LOXHD1: variants seen among roughly 807,000 people sequenced by gnomAD.
LOXHD1 encodes the protein lipoxygenase homology PLAT domains 1, also known as lipoxygenase homology domain-containing protein 1.
LOXHD1 carries 205 observed loss-of-function variants against 248.2 expected under a neutral mutation model. The ratio of observed to expected loss-of-function variants is 0.83; its 90% CI spans 0.74 to 0.93. The LOEUF (loss-of-function observed/expected upper bound fraction) is 0.93, where lower values mean the gene tolerates loss of function less well. Among genes scored for constraint, LOXHD1 ranks in the 40% least tolerant of loss-of-function variants. The pLI is 0.00. For missense variants in LOXHD1, 2,930 were observed against 2,971.6 expected (o/e 0.99, Z 0.33); for synonymous variants, 1,113 against 1,162.8 (o/e 0.96, Z 0.87).
Position 46,550,713 on chromosome 18 carries a change from A to C in LOXHD1, c.3351-3655T>G, listed in dbSNP as rs2037063722. ...GGTCCCTGAGTGAACATGCTGAGCA[A>C]AGTCCCCTGATACCCTACATCAGAC... On this transcript the variant is annotated intron_variant, in intron 21 of 40. Coordinates refer to ENST00000642948, the MANE Select transcript of LOXHD1 (RefSeq NM_001384474.1). Among the ~76,000 whole-genome samples, 4 of 152,286 alleles carry C rather than the reference A, an allele frequency of 2.6e-5. No individual in the cohort carries two copies. The South Asian group carries it at 8.3e-4, about 32-fold the overall frequency.
intron 32 of LOXHD1, among the ~76,000 whole-genome samples, 181 bp downstream of exon 32, chr18:46,521,920 C>G (rs866809051): frequency 1.3e-5 from 2 of 152,192 alleles, no homozygotes; most frequent in Non-Finnish European, 2.9e-5. Context: ...GACAGACACA[C>G]AGAGGGGCAG....
At chr18:46,618,677 T>C (rs2038625360) in intron 4 of LOXHD1, among the ~76,000 whole-genome samples, 1 of 152,180 alleles carries the variant, frequency 6.6e-6, no homozygotes, top group African/African-American at 2.4e-5. Flanking sequence ...ACCTCCACCA[T>C]ATCTCCCCTG....
intron 12 of LOXHD1, among the ~76,000 whole-genome samples, chr18:46,585,370 A>G (rs2038040021): frequency 6.6e-6 from 1 of 152,198 alleles, no homozygotes; most frequent in Admixed American, 6.5e-5. Context: ...TCAATATACC[A>G]AAATCGACTA....
At chr18:46,502,492 A>G (rs1438875501) in intron 37 of LOXHD1, among the ~76,000 whole-genome samples, 3 of 152,204 alleles carry the variant, frequency 2.0e-5, no homozygotes, top group Non-Finnish European at 4.4e-5. Flanking sequence ...GTTGGAATGC[A>G]TAGTAATCTG....
At chr18:46,554,209 C>T (rs893234261) in intron 21 of LOXHD1, among the ~76,000 whole-genome samples, 1 of 152,188 alleles carries the variant, frequency 6.6e-6, no homozygotes, top group African/African-American at 2.4e-5. Flanking sequence ...CAGACTCATG[C>T]TCTTCTGATG....
intron 38 of LOXHD1, among the ~76,000 whole-genome samples, chr18:46,487,907 G>C (rs902239718): frequency 3.3e-5 from 5 of 152,184 alleles, no homozygotes; most frequent in Non-Finnish European, 7.3e-5. Flanking sequence ...GCCAGCTTAG[G>C]ATTGGGTTTC....
chr18:46,541,890 G>C lies in LOXHD1; in HGVS notation c.3799C>G (p.Leu1267Val), dbSNP rs1407202263. 1 of 1,551,626 alleles carries C rather than the reference G, an allele frequency of 6.4e-7. No individual in the cohort carries two copies. Among genetic ancestry groups the C allele is most frequent in the Admixed American group, 2.0e-5 (1 of 50,994 alleles). Reference sequence around the variant, plus strand: ...CAGGGAAACGTCATGCACTTCCCAAGAGATGGGGCATCCACCTCTACCCAG... The same window carrying C: ...CAGGGAAACGTCATGCACTTCCCAACAGATGGGGCATCCACCTCTACCCAG... ...VDWVEVDAPS[L>V]GKCMTFPCGR... Residue 1267 changes from leucine to valine, a missense_variant, in exon 25 of 41, where the codon CTT becomes GTT. Leu to Val is a conservative substitution (Grantham distance 32, BLOSUM62 1). Coordinates refer to ENST00000642948, the MANE Select transcript of LOXHD1 (RefSeq NM_001384474.1).
intron 21 of LOXHD1, among the ~76,000 whole-genome samples, chr18:46,551,689 C>T (rs2037111837): frequency 6.6e-6 from 1 of 152,058 alleles, no homozygotes; most frequent in African/African-American, 2.4e-5. Context: ...ATAAAATTTT[C>T]TGATATCACA....
At chr18:46,478,645 C>G (rs2032253244) in intron 40 of LOXHD1, among the ~76,000 whole-genome samples, 1 of 152,144 alleles carries the variant, frequency 6.6e-6, no homozygotes, top group Non-Finnish European at 1.5e-5. Context: ...TCCTCATGAT[C>G]TGACTCTCCT....
intron 34 of LOXHD1, among the ~76,000 whole-genome samples, chr18:46,513,257 C>A (rs901985875): frequency 6.6e-6 from 1 of 152,166 alleles, no homozygotes; most frequent in African/African-American, 2.4e-5. Context: ...TTTGACTGTT[C>A]TTCATGTGAC....
chr18:46,563,015 G>A (rs1272518768), intron 18 of LOXHD1, 50 bp downstream of exon 18: 3 of 1,510,226 alleles, frequency 2.0e-6, no homozygotes, highest in East Asian at 2.5e-5. Flanking sequence ...GAAGCATCTT[G>A]GTGTCCACTG....
Position 46,518,177 on chromosome 18 carries a change from C to T in LOXHD1, c.5351G>A (p.Gly1784Asp). 1 of 1,551,672 alleles carries T rather than the reference C, an allele frequency of 6.4e-7. No individual in the cohort carries two copies. Among genetic ancestry groups the T allele is most frequent in the Non-Finnish European group, 8.7e-7 (1 of 1,146,978 alleles). The change falls in exon 34 of 41, where the codon GGC becomes GAC. Residue 1784 changes from glycine to aspartate, a missense_variant. Physicochemically the swap from Gly to Asp is moderately conservative, Grantham distance 94 (BLOSUM62 -1). Transcript: ENST00000642948. ...TDSNIFMTLY[G>D]INGSTEEMQL... is the part of the protein sequence containing the mutation. ...CATCTCCTCTGTGCTCCCGTTGATGCCGTAGAGGGTCATGAAGATGTTGGA... is the reference window on the plus strand; with the variant it reads ...CATCTCCTCTGTGCTCCCGTTGATGTCGTAGAGGGTCATGAAGATGTTGGA...
Position 46,546,962 on chromosome 18 carries a change from T to C in LOXHD1, c.3447A>G (p.Pro1149=). The C allele has an allele frequency of 6.4e-7, 1 of 1,551,744 alleles. No individual in the cohort carries two copies. The highest frequency in any genetic ancestry group is 8.7e-7 in the Non-Finnish European group (1 of 1,146,988). Residue 1149 remains proline (P), a synonymous_variant, in exon 22 of 41, where the codon CCA becomes CCG. Transcript: ENST00000642948. ...LLPVDESYVL[P]QSEEGRGGGD... is the part of the protein sequence containing the mutation. ...CGCCTCCCCTACCCTCCTCGCTCTGTGGCAGCACATAGGACTCATCCACTG... is the reference window on the plus strand; with the variant it reads ...CGCCTCCCCTACCCTCCTCGCTCTGCGGCAGCACATAGGACTCATCCACTG...
At chr18:46,620,714 G>C (rs2038656831) in intron 4 of LOXHD1, among the ~76,000 whole-genome samples, 1 of 152,174 alleles carries the variant, frequency 6.6e-6, no homozygotes, top group Non-Finnish European at 1.5e-5. Flanking sequence ...CACAGAAAGT[G>C]CCATAGGTGA....
At chr18:46,507,511 G>A (rs776710695) in intron 36 of LOXHD1, 27 bp downstream of exon 36, 65 of 1,551,152 alleles carry the variant, frequency 4.2e-5, no homozygotes, top group South Asian at 3.5e-4. Flanking sequence ...GTAAGGGAGC[G>A]GGAGGTGTGA....
At chr18:46,539,165 A>C (rs972859097) in intron 25 of LOXHD1, among the ~76,000 whole-genome samples, 41 of 152,220 alleles carry the variant, frequency 2.7e-4, no homozygotes, top group African/African-American at 9.4e-4. Context: ...GCTTGTTAAA[A>C]ATACAGATTT....
chr18:46,510,677 A>G (rs2034906475), intron 34 of LOXHD1, among the ~76,000 whole-genome samples: 1 of 152,240 alleles, frequency 6.6e-6, no homozygotes, highest in Non-Finnish European at 1.5e-5. Flanking sequence ...TTTTAAAAAC[A>G]GAGGCCATAG....
chr18:46,576,984 A>G (rs941081522), intron 14 of LOXHD1, among the ~76,000 whole-genome samples: 3 of 152,242 alleles, frequency 2.0e-5, no homozygotes, highest in African/African-American at 7.2e-5. Context: ...GGAGCCCTGG[A>G]CCAGCCCTAA....
At chr18:46,629,582 G>A (rs1480887905) in intron 4 of LOXHD1, among the ~76,000 whole-genome samples, 1 of 151,994 alleles carries the variant, frequency 6.6e-6, no homozygotes, top group Non-Finnish European at 1.5e-5. Flanking sequence ...GCCCAACATG[G>A]TCATGTCAAG....
Sources: allele counts gnomAD v4.1 joint callset (sites outside exome capture counted in the v4.1 genomes callset), GRCh38; gene constraint gnomAD v4.1.1; transcripts MANE v1.5; gene names NCBI Gene and HGNC (gene_info 2026-07-23, HGNC 2026-07-21).